Variants in SERINC5 observed in about 807,000 individuals in gnomAD.
SERINC5 encodes the protein serine incorporator 5, also known as chromosome 5 open reading frame 12.
Under a neutral mutation model 63.1 loss-of-function variants are expected in SERINC5, and 41 were observed. The observed-to-expected ratio is 0.65, with a 90% CI of 0.51 to 0.84. The LOEUF (loss-of-function observed/expected upper bound fraction) is 0.84. SERINC5 is among the 40% of genes least tolerant of loss of function. SERINC5 has a pLI of 0.00. For missense variants in SERINC5, 523 were observed against 573.0 expected, an observed-to-expected ratio of 0.91 and a Z score of 0.89; for synonymous variants, 222 against 215.2, an observed-to-expected ratio of 1.03 and a Z score of -0.28.
rs1479883659 is a variant in SERINC5, at chr5:80,175,056, G to A, written c.458-9C>T. 6.4e-7 allele frequency: 1 copy of A among 1,567,218 alleles called. No individual in the cohort carries two copies. ...TCCCACATAGCGCCAGGCTGCAAAAGACCATGAAGAACACAATGAGGCAAC... is the reference window on the plus strand; with the variant it reads ...TCCCACATAGCGCCAGGCTGCAAAAAACCATGAAGAACACAATGAGGCAAC... On this transcript the variant is annotated splice_polypyrimidine_tract_variant and intron_variant, in intron 4 of 11. Coordinates refer to ENST00000507668, the MANE Select transcript of SERINC5 (RefSeq NM_001174072.3).
rs533184847 is a variant in SERINC5, at chr5:80,132,704, A to G, written c.1238+13386T>C. ...GGTCTCAAACTCTGGGGATCAAGTG[A>G]TCCTCCTACCTCGGCCTCCCAATGT... On this transcript the variant is annotated intron_variant, in intron 11 of 12. Transcript: ENST00000509193. Among the ~76,000 whole-genome samples the G allele has an allele frequency of 2.6e-5, 4 of 152,080 alleles. No individual in the cohort carries two copies. The East Asian group carries it at 7.7e-4, about 29-fold the overall frequency.
chr5:80,200,825 G>C (rs962344835), intron 2 of SERINC5, among the ~76,000 whole-genome samples: 2 of 137,104 alleles, frequency 1.5e-5, no homozygotes, highest in African/African-American at 5.5e-5. Flanking sequence ...CAGGCATGGT[G>C]GCTCACGCAT....
intron 1 of SERINC5, among the ~76,000 whole-genome samples, chr5:80,252,791 T>C (rs549678735): frequency 1.4e-4 from 22 of 152,232 alleles, no homozygotes; most frequent in African/African-American, 5.3e-4. Context: ...AAGTAACTCA[T>C]CCAGTCACAC....
intron 1 of SERINC5, among the ~76,000 whole-genome samples, chr5:80,234,583 A>G (rs1222263214): frequency 1.3e-5 from 2 of 152,188 alleles, no homozygotes. Context: ...CAATTATAAA[A>G]CATGATGAAT....
At chr5:80,204,487 C>T (rs902930499) in intron 1 of SERINC5, among the ~76,000 whole-genome samples, 2 of 152,166 alleles carry the variant, frequency 1.3e-5, no homozygotes, top group Non-Finnish European at 2.9e-5. Flanking sequence ...GAACATTCTT[C>T]CCAGGTACCT....
intron 1 of SERINC5, among the ~76,000 whole-genome samples, chr5:80,252,608 C>T (rs181106333): frequency 6.6e-6 from 1 of 152,324 alleles, no homozygotes; most frequent in South Asian, 2.1e-4. Flanking sequence ...ATAAGCTGAT[C>T]TGGATATTAT....
chr5:80,114,452 G>A lies in SERINC5; in HGVS notation c.1239-827C>T, dbSNP rs144876065. On this transcript the variant is annotated intron_variant, in intron 11 of 12. Transcript: ENST00000509193. Reference sequence around the variant, plus strand: ...GCAGATCACTTGAGGTCAGGAGTTCGAGACCAGCCTGGCCAACATGGTAAA... The same window carrying A: ...GCAGATCACTTGAGGTCAGGAGTTCAAGACCAGCCTGGCCAACATGGTAAA... 6.3e-3 allele frequency: 1,029 copies of A among 162,808 alleles called. 23 individuals are homozygous for A. Among genetic ancestry groups the A allele is most frequent in the African/African-American group, 0.024 (986 of 41,322 alleles). The allele number at this position is 162,808 out of a possible 1,614,324, so 10.1% of individuals were successfully genotyped here. A position where few individuals can be genotyped will look rare whatever the true frequency, so the allele number is the denominator to read the frequency against.
intron 1 of SERINC5, among the ~76,000 whole-genome samples, chr5:80,226,812 A>G (rs1005359489): frequency 3.3e-5 from 5 of 152,322 alleles, no homozygotes; most frequent in African/African-American, 1.2e-4. Flanking sequence ...GATTTACTTC[A>G]TCCTCACAAT....
At chr5:80,164,013 T>C (rs975675031) in intron 7 of SERINC5, among the ~76,000 whole-genome samples, 10 of 152,214 alleles carry the variant, frequency 6.6e-5, no homozygotes, top group Admixed American at 2.6e-4. Flanking sequence ...CTTTTTCTTA[T>C]TGGAAGATTT....
chr5:80,137,200 CAT>C (rs1197074758), downstream of SERINC5, among the ~76,000 whole-genome samples: 1 of 145,590 alleles, frequency 6.9e-6, no homozygotes, highest in African/African-American at 2.5e-5. Context: ...GTAGAAATAC[CAT>C]ATGATCCAGC....
intron 11 of SERINC5, among the ~76,000 whole-genome samples, chr5:80,117,572 G>A (rs1292781708): frequency 7.1e-6 from 1 of 141,634 alleles, no homozygotes; most frequent in African/African-American, 2.6e-5. Context: ...CTTCAGCCTT[G>A]AATTATATGC....
chr5:80,155,029 G>C (rs934925859), intron 8 of SERINC5, among the ~76,000 whole-genome samples: 1 of 152,182 alleles, frequency 6.6e-6, no homozygotes, highest in South Asian at 2.1e-4. Context: ...AAGGTTGCCC[G>C]AAGTTGGGAG....
chr5:80,234,574 A>T (rs1751601036), intron 1 of SERINC5, among the ~76,000 whole-genome samples: 2 of 152,190 alleles, frequency 1.3e-5, no homozygotes, highest in Admixed American at 1.3e-4. Flanking sequence ...TAGCAAATAC[A>T]ATTATAAAAC....
At chr5:80,220,201 C>G (rs1468989224) in intron 1 of SERINC5, among the ~76,000 whole-genome samples, 2 of 143,146 alleles carry the variant, frequency 1.4e-5, no homozygotes, top group Non-Finnish European at 3.0e-5. Flanking sequence ...GAGCAAGACT[C>G]TGTCTCAATA....
intron 1 of SERINC5, among the ~76,000 whole-genome samples, chr5:80,222,178 T>C (rs932277870): frequency 1.3e-5 from 2 of 151,890 alleles, no homozygotes; most frequent in East Asian, 3.9e-4. Flanking sequence ...TTAATAAAAA[T>C]GGTCCCAAGC....
At chr5:80,201,109 A>AC (rs1749812161) in intron 2 of SERINC5, among the ~76,000 whole-genome samples, 1 of 152,002 alleles carries the variant, frequency 6.6e-6, no homozygotes, top group African/African-American at 2.4e-5. Flanking sequence ...CCACCCCCCC[A>AC]CAAAAAAATC....
At chr5:80,254,068 G>A (rs1040912886) in intron 1 of SERINC5, among the ~76,000 whole-genome samples, 2 of 152,192 alleles carry the variant, frequency 1.3e-5, no homozygotes, top group Admixed American at 1.3e-4. Flanking sequence ...TGGGATTACA[G>A]GCATGCGTCA....
intron 6 of SERINC5, among the ~76,000 whole-genome samples, chr5:80,168,297 C>CA (rs1269860870): frequency 6.6e-6 from 1 of 151,924 alleles, no homozygotes; most frequent in Non-Finnish European, 1.5e-5. Flanking sequence ...CGGGTTCAAG[C>CA]AATTCTCCTG....
At chr5:80,251,293 TACATAC>T (rs1752404772) in intron 1 of SERINC5, among the ~76,000 whole-genome samples, 104 of 50,286 alleles carry the variant, frequency 2.1e-3, no homozygotes, top group African/African-American at 6.1e-3. Context: ...CATACATGCA[TACATAC>T]ATACATACAT....
Sources: gnomAD v4.1 joint callset for allele counts (sites outside exome capture counted in the v4.1 genomes callset) on GRCh38, gnomAD v4.1.1 for gene constraint, MANE v1.5 for transcripts, NCBI Gene and HGNC (gene_info 2026-07-23, HGNC 2026-07-21) for gene names.